TGFBRAP1: variants seen among roughly 807,000 people sequenced by gnomAD.
TGFBRAP1 encodes the protein transforming growth factor beta receptor associated protein 1, also known as transforming growth factor-beta receptor-associated protein 1.
TGFBRAP1 carries 20 observed loss-of-function variants against 83.2 expected under a neutral mutation model. The observed-to-expected ratio is 0.24, with a 90% confidence interval of 0.17 to 0.35. The LOEUF (loss-of-function observed/expected upper bound fraction) is 0.35, where lower values mean the gene tolerates loss of function less well. Ranked by LOEUF, TGFBRAP1 falls within the 10% of genes least tolerant of loss-of-function variation. The pLI is 1.00. For synonymous variants in TGFBRAP1, 415 were observed against 459.8 expected, an observed-to-expected ratio of 0.90 and a Z score of 1.25; for missense variants, 950 against 1,099.4, an observed-to-expected ratio of 0.86 and a Z score of 1.92.
intron 1 of TGFBRAP1, among the ~76,000 whole-genome samples, chr2:105,322,218 T>C (rs988112684): frequency 3.3e-5 from 5 of 151,752 alleles, no homozygotes; most frequent in Admixed American, 6.6e-5. Flanking sequence ...AATAAGCATA[T>C]AAAGAAAATA....
At chr2:105,307,205 C>T (rs554244945) in intron 2 of TGFBRAP1, among the ~76,000 whole-genome samples, 10 of 152,334 alleles carry the variant, frequency 6.6e-5, no homozygotes, top group Non-Finnish European at 1.2e-4. Context: ...CAGCATCCCA[C>T]TCTGCCTCAT....
rs200915899 is a variant in TGFBRAP1, at chr2:105,269,314, G to A, written c.2364C>T (p.Leu788=). Residue 788 remains leucine (L), a synonymous_variant, in exon 11 of 12, where the codon CTC becomes CTT. Transcript: ENST00000393359. The surrounding 1 kb of genome is among the most constrained non-coding windows in gnomAD (Gnocchi z 4.1). The stretch of plus-strand genomic sequence containing the variant: ...TTAAGTTTTCGGACCTGGCCAGGCC[G>A]AGAGCCACCTGCATGGTCCTCCTGG... ...IHARRTMQVA[L]GLARSENLIY... 239 of 1,611,474 alleles carry A rather than the reference G, an allele frequency of 1.5e-4. 2 individuals are homozygous for A. Among genetic ancestry groups the A allele is most frequent in the Non-Finnish European group, 2.5e-5 (30 of 1,178,580 alleles).
At chr2:105,277,778 G>A (rs759773641) in intron 6 of TGFBRAP1, 107 bp from the exon 7 acceptor site, 5 of 1,097,412 alleles carry the variant, frequency 4.6e-6, no homozygotes, top group Admixed American at 1.7e-5. Context: ...TATTCAACTC[G>A]AGTTCAGGCT....
chr2:105,272,968 A>G lies in TGFBRAP1; in HGVS notation c.1859T>C (p.Val620Ala). The G allele has an allele frequency of 6.2e-7, 1 of 1,613,504 alleles. No homozygotes were observed. ...ACTGGCGGAGGCCCTCTGCAGCAGC[A>G]CCTCTTCCAGGTACAGCACAGCTAA... ...THLAVLYLEE[V>A]LLQRASASGK... The change falls in exon 10 of 12, where the codon GTG (valine) becomes GCG (alanine). Residue 620 changes from valine (V) to alanine (A), a missense_variant. Val to Ala is a moderately conservative substitution (Grantham distance 64, BLOSUM62 0). Transcript: ENST00000393359.
chr2:105,313,240 T>C (rs934442023), intron 1 of TGFBRAP1, among the ~76,000 whole-genome samples: 11 of 152,246 alleles, frequency 7.2e-5, no homozygotes, highest in Non-Finnish European at 1.6e-4. Flanking sequence ...ACAGATTTTA[T>C]ATTACCCATA....
At chr2:105,318,092 A>G (rs1678942377) in intron 1 of TGFBRAP1, among the ~76,000 whole-genome samples, 1 of 152,196 alleles carries the variant, frequency 6.6e-6, no homozygotes, top group African/African-American at 2.4e-5. Flanking sequence ...TGACTGAGTA[A>G]GCCATGACTC....
intron 1 of TGFBRAP1, among the ~76,000 whole-genome samples, chr2:105,313,466 C>T (rs1280710463): frequency 1.3e-5 from 2 of 152,178 alleles, no homozygotes; most frequent in East Asian, 3.8e-4. Flanking sequence ...GATTTCCTAG[C>T]GAGTTCCACT....
intron 11 of TGFBRAP1, 137 bp from the exon 12 acceptor site, chr2:105,267,696 C>A: frequency 1.4e-6 from 2 of 1,471,592 alleles, no homozygotes; most frequent in Non-Finnish European, 1.8e-6. Context: ...ATATCAACTT[C>A]TTGAAATGAA....
At chr2:105,296,253 G>A in intron 4 of TGFBRAP1, 103 bp downstream of exon 4, 1 of 1,391,308 alleles carries the variant, frequency 7.2e-7, no homozygotes, top group East Asian at 2.3e-5. Context: ...AAAGCAGTGT[G>A]TACAGCCCGG....
chr2:105,315,607 T>C (rs1282624498), intron 1 of TGFBRAP1, among the ~76,000 whole-genome samples: 2 of 152,184 alleles, frequency 1.3e-5, no homozygotes, highest in Non-Finnish European at 2.9e-5. Flanking sequence ...CATGAAAAGA[T>C]GCTCCCTATC....
At chr2:105,263,732 T>A (rs1187734153), downstream of TGFBRAP1, among the ~76,000 whole-genome samples, 2 of 151,998 alleles carry the variant, frequency 1.3e-5, no homozygotes, top group African/African-American at 4.8e-5. Flanking sequence ...ATATATTTTT[T>A]AAATTAGCTG....
chr2:105,253,347 G>A, the TGFBRAP1 span, among the ~76,000 whole-genome samples: 1 of 152,014 alleles, frequency 6.6e-6, no homozygotes, highest in Non-Finnish European at 1.5e-5. Context: ...TGGCCAGGTT[G>A]GGCTTAAACT....
At chr2:105,318,326 T>C (rs1401406845) in intron 1 of TGFBRAP1, among the ~76,000 whole-genome samples, 2 of 152,228 alleles carry the variant, frequency 1.3e-5, no homozygotes, top group African/African-American at 4.8e-5. Flanking sequence ...AGGATGGGAC[T>C]GGGTATGGGT....
intron 10 of TGFBRAP1, among the ~76,000 whole-genome samples, chr2:105,271,583 G>C (rs547349713): frequency 1.3e-5 from 2 of 152,302 alleles, no homozygotes; most frequent in Admixed American, 6.5e-5. Flanking sequence ...GTGACCTGTG[G>C]CAAGCGGGGT....
chr2:105,252,112 C>A, the TGFBRAP1 span, among the ~76,000 whole-genome samples: 1 of 151,024 alleles, frequency 6.6e-6, no homozygotes, highest in Non-Finnish European at 1.5e-5. Flanking sequence ...TCCCCCTCTG[C>A]GAGAAACACC....
chr2:105,271,940 C>CT (rs767805921), intron 10 of TGFBRAP1, among the ~76,000 whole-genome samples: 5 of 152,116 alleles, frequency 3.3e-5, no homozygotes, highest in Non-Finnish European at 7.4e-5. Flanking sequence ...TATTGCCATG[C>CT]TTTTTTGCAT....
chr2:105,283,511 A>G (rs1464690172), intron 5 of TGFBRAP1, among the ~76,000 whole-genome samples: 2 of 152,192 alleles, frequency 1.3e-5, no homozygotes, highest in African/African-American at 4.8e-5. Flanking sequence ...ACTGTGCACA[A>G]TCTATTCTGG....
chr2:105,322,648 A>G (rs1679100990), intron 1 of TGFBRAP1, among the ~76,000 whole-genome samples: 1 of 152,186 alleles, frequency 6.6e-6, no homozygotes, highest in Admixed American at 6.6e-5. Context: ...AGCATGCTGT[A>G]TAGGTTTGCA....
At chr2:105,323,346 C>T (rs1336812461) in intron 1 of TGFBRAP1, among the ~76,000 whole-genome samples, 1 of 152,146 alleles carries the variant, frequency 6.6e-6, no homozygotes, top group Admixed American at 6.5e-5. Flanking sequence ...TGCCAAGGGA[C>T]CTGCTGCTCA....
Sources: allele counts gnomAD v4.1 joint callset (sites outside exome capture counted in the v4.1 genomes callset), GRCh38; gene constraint gnomAD v4.1.1; non-coding constraint Gnocchi (gnomAD v3.1); transcripts MANE v1.5; gene names NCBI Gene and HGNC (gene_info 2026-07-23, HGNC 2026-07-21).